ABCG2: variants seen among roughly 807,000 people sequenced by gnomAD.
ABCG2 encodes ATP binding cassette subfamily G member 2 (JR blood group).
A neutral mutation model predicts 73.5 loss-of-function variants in ABCG2; 80 were observed. The observed-to-expected ratio is 1.09, with a 90% CI of 0.91 to 1.31. The LOEUF (loss-of-function observed/expected upper bound fraction) is 1.31. Ranked by LOEUF, ABCG2 falls within the 50% of genes most tolerant of loss-of-function variation. The probability of loss-of-function intolerance (pLI) is 0.00; values close to 1 mark genes in which losing one functional copy is unlikely to be tolerated. For synonymous variants in ABCG2, 269 were observed against 282.4 expected, an observed-to-expected ratio of 0.95 and a Z score of 0.48; for missense variants, 796 against 786.2, an observed-to-expected ratio of 1.01 and a Z score of -0.15.
chr4:88,112,813 T>TA (rs1185825110), intron 9 of ABCG2, among the ~76,000 whole-genome samples: 5 of 151,814 alleles, frequency 3.3e-5, no homozygotes, highest in African/African-American at 9.7e-5. Context: ...AAGAAACCAC[T>TA]AAAAAAAAGA....
At position 88,095,609 on chromosome 4, in the gene ABCG2, T is replaced by A; in HGVS notation, c.1648A>T (p.Ile550Phe). ...AGATTGACCAACAGACCTGAAAAAA[T>A]CTACAAAAAGCAAATACTAAAAGTC... Reference protein sequence around the residue: ...LMTICFVFMMIFSGLLVNLTT... With the variant: ...LMTICFVFMMFFSGLLVNLTT... The change falls in exon 14 of 16, where the codon ATT (isoleucine) becomes TTT (phenylalanine). Residue 550 changes from isoleucine to phenylalanine, a missense_variant and splice_region_variant. Transcript: ENST00000237612. 6.2e-7 allele frequency: 1 copy of A among 1,613,254 alleles called. No homozygotes were observed. The highest frequency in any genetic ancestry group is 8.5e-7 in the Non-Finnish European group (1 of 1,179,406).
At chr4:88,094,889 C>T (rs1007516940) in intron 14 of ABCG2, among the ~76,000 whole-genome samples, 25 of 152,290 alleles carry the variant, frequency 1.6e-4, no homozygotes, top group African/African-American at 6.0e-4. Context: ...TTTGCCAAAG[C>T]GGGAGACCTC....
intron 1 of ABCG2, among the ~76,000 whole-genome samples, chr4:88,190,187 A>T (rs1239894801): frequency 3.3e-5 from 5 of 152,094 alleles, no homozygotes; most frequent in Non-Finnish European, 5.9e-5. Context: ...GTAGATTTCT[A>T]TTATTAAAGC....
intron 15 of ABCG2, among the ~76,000 whole-genome samples, chr4:88,094,025 A>G (rs1258588391): frequency 1.3e-5 from 2 of 152,214 alleles, no homozygotes; most frequent in East Asian, 1.9e-4. Context: ...ACACATGACT[A>G]TGCGGCCTTT....
chr4:88,192,708 T>C (rs1402306091), intron 1 of ABCG2, among the ~76,000 whole-genome samples: 32 of 133,802 alleles, frequency 2.4e-4, no homozygotes, highest in Admixed American at 2.3e-4. Context: ...CATGAGCCAC[T>C]ATGCCTGGCC....
In ABCG2 at chr4:88,099,321, T is replaced by A. The variant is rs2110183002; in HGVS notation, c.1492+3A>T. 6.3e-7 allele frequency: 1 copy of A among 1,589,798 alleles called. No individual in the cohort carries two copies. The highest frequency in any genetic ancestry group is 2.3e-5 in the East Asian group (1 of 44,108). On this transcript the variant is annotated splice_donor_region_variant and intron_variant, in intron 12 of 15. Transcript: ENST00000237612. ...GTCCTTTTTTGTTTTGTTACATACT[T>A]ACCTAACATGAAGTACACTATACAG...
chr4:88,153,153 G>A lies in ABCG2; in HGVS notation c.-20+5233C>T, dbSNP rs191275070. Among the ~76,000 whole-genome samples the A allele has an allele frequency of 3.8e-3, 574 of 152,214 alleles. 4 individuals carry two copies. The highest frequency in any genetic ancestry group is 0.013 in the African/African-American group (535 of 41,528). ...ATTTACTTTAAGAGTTGAGAGTGGC[G>A]GTTTGGGGATAGCACCAGGAGATAT... On this transcript the variant is annotated intron_variant, in intron 1 of 15. Coordinates refer to ENST00000237612, the MANE Select transcript of ABCG2 (RefSeq NM_004827.3).
intron 11 of ABCG2, 59 bp from the exon 12 acceptor site, chr4:88,099,507 G>T: frequency 6.6e-7 from 1 of 1,510,040 alleles, no homozygotes; most frequent in South Asian, 1.4e-5. Flanking sequence ...CACAGGGCAG[G>T]CTAGACTTGT....
chr4:88,194,729 A>T (rs1213195405), intron 1 of ABCG2, among the ~76,000 whole-genome samples: 1 of 152,066 alleles, frequency 6.6e-6, no homozygotes, highest in African/African-American at 2.4e-5. Flanking sequence ...AGTGGTTCAG[A>T]CAGAGCTGTA....
intron 1 of ABCG2, among the ~76,000 whole-genome samples, chr4:88,145,023 G>T (rs1725891068): frequency 6.7e-6 from 1 of 150,164 alleles, no homozygotes; most frequent in Admixed American, 6.6e-5. Flanking sequence ...CACCTGCCCA[G>T]CTGGAACTAC....
intron 10 of ABCG2, among the ~76,000 whole-genome samples, chr4:88,102,248 G>A (rs923702866): frequency 6.6e-6 from 1 of 152,152 alleles, no homozygotes; most frequent in African/African-American, 2.4e-5. Flanking sequence ...TTTGTGTATC[G>A]TAATGAAAAG....
chr4:88,191,602 C>A (rs1462805148), intron 1 of ABCG2, among the ~76,000 whole-genome samples: 1 of 152,016 alleles, frequency 6.6e-6, no homozygotes, highest in African/African-American at 2.4e-5. Flanking sequence ...CAATTCATTT[C>A]TCAGAATCTG....
chr4:88,131,923 A>G lies in ABCG2; in HGVS notation c.264-6T>C. The G allele has an allele frequency of 6.2e-7, 1 of 1,603,948 alleles. No individual in the cohort carries two copies. The highest frequency in any genetic ancestry group is 1.7e-5 in the Admixed American group (1 of 59,940). ...CAGCTAAGACATCTAATAACCTATA[A>G]GAGGACATATATGTTGTGGGTCTAA... On this transcript the variant is annotated splice_region_variant and splice_polypyrimidine_tract_variant and intron_variant, in intron 3 of 15. Coordinates refer to ENST00000237612, the MANE Select transcript of ABCG2 (RefSeq NM_004827.3).
chr4:88,099,973 G>A (rs1399267602), intron 11 of ABCG2, among the ~76,000 whole-genome samples: 1 of 151,976 alleles, frequency 6.6e-6, no homozygotes, highest in Non-Finnish European at 1.5e-5. Flanking sequence ...TTCTTTCAAT[G>A]ATCATGTCTT....
At chr4:88,111,589 T>A (rs960201696) in intron 9 of ABCG2, among the ~76,000 whole-genome samples, 1 of 152,188 alleles carries the variant, frequency 6.6e-6, no homozygotes, top group African/African-American at 2.4e-5. Context: ...ATATTTTATA[T>A]ATACTTAAGT....
chr4:88,173,137 G>T (rs1215660521), intron 1 of ABCG2, among the ~76,000 whole-genome samples: 2 of 152,066 alleles, frequency 1.3e-5, no homozygotes, highest in Admixed American at 6.6e-5. Context: ...AATTGTATTG[G>T]TCATCATATT....
chr4:88,194,032 A>T (rs1402221681), intron 1 of ABCG2, among the ~76,000 whole-genome samples: 4 of 152,180 alleles, frequency 2.6e-5, no homozygotes, highest in African/African-American at 4.8e-5. Flanking sequence ...GGCGTAAGCC[A>T]CCATGCTCGG....
chr4:88,097,220 T>C (rs1484429028), intron 13 of ABCG2, among the ~76,000 whole-genome samples: 4 of 152,136 alleles, frequency 2.6e-5, no homozygotes, highest in Admixed American at 6.5e-5. Flanking sequence ...TTAGTAACAA[T>C]ATTAACTAAA....
In ABCG2 at chr4:88,113,482, A is replaced by G. The variant is rs1296797199; in HGVS notation, c.1015T>C (p.Ser339Pro). The G allele has an allele frequency of 6.2e-7, 1 of 1,614,072 alleles. No homozygotes were observed. The highest frequency in any genetic ancestry group is 1.1e-5 in the South Asian group (1 of 91,070). The change falls in exon 9 of 16, where the codon TCC (serine) becomes CCC (proline). Residue 339 changes from serine (S) to proline (P), a missense_variant. Transcript: ENST00000237612. ...IEKLAEIYVN[S>P]SFYKETKAEL... ...GCTTTTGTCTCTTTGTAGAAGGAGG[A>G]GTTGACATAAATCTCCGCTAATTTT...
Sources: allele counts gnomAD v4.1 joint callset (sites outside exome capture counted in the v4.1 genomes callset), GRCh38; gene constraint gnomAD v4.1.1; transcripts MANE v1.5; gene names NCBI Gene and HGNC (gene_info 2026-07-23, HGNC 2026-07-21).